CNTNAP2: variants seen among roughly 807,000 people sequenced by gnomAD.
The protein encoded by CNTNAP2 is contactin associated protein 2.
In CNTNAP2, 98 loss-of-function variants were observed where a neutral mutation model predicts 155.2. The observed-to-expected ratio is 0.63, with a 90% CI of 0.54 to 0.75. CNTNAP2 has a LOEUF of 0.75. Among genes scored for constraint, CNTNAP2 ranks in the 30% least tolerant of loss-of-function variants. CNTNAP2 has a pLI of 0.00. For missense variants in CNTNAP2, 1,727 were observed against 1,688.1 expected (o/e 1.02, Z -0.40); for synonymous variants, 651 against 631.2 (o/e 1.03, Z -0.47).
intron 1 of CNTNAP2, among the ~76,000 whole-genome samples, chr7:146,472,615 A>AAT (rs1796816658): frequency 6.6e-6 from 1 of 152,180 alleles, no homozygotes; most frequent in South Asian, 2.1e-4. Flanking sequence ...AATTGATGGA[A>AAT]ATATATATGT....
At chr7:146,744,375 T>G (rs1262367150) in intron 1 of CNTNAP2, among the ~76,000 whole-genome samples, 2 of 152,180 alleles carry the variant, frequency 1.3e-5, no homozygotes, top group Non-Finnish European at 2.9e-5. Context: ...TGGGATGATT[T>G]CAAAGGTTTC....
At chr7:146,294,292 CT>C (rs1800478014) in intron 1 of CNTNAP2, among the ~76,000 whole-genome samples, 1 of 152,140 alleles carries the variant, frequency 6.6e-6, no homozygotes, top group African/African-American at 2.4e-5. Context: ...ATTCAAGTAA[CT>C]TTTACCCAGA....
chr7:148,313,314 G>T (rs936691875), intron 21 of CNTNAP2, among the ~76,000 whole-genome samples: 2 of 151,270 alleles, frequency 1.3e-5, no homozygotes, highest in Non-Finnish European at 2.9e-5. Context: ...GGCAGCGTCC[G>T]TCTTCAGCCA....
At chr7:147,473,148 A>G (rs1052975330) in intron 10 of CNTNAP2, among the ~76,000 whole-genome samples, 1 of 152,170 alleles carries the variant, frequency 6.6e-6, no homozygotes, top group Non-Finnish European at 1.5e-5. Context: ...TGGACAGATG[A>G]GAGTGGATTT....
At chr7:146,328,084 G>A (rs529625058) in intron 1 of CNTNAP2, among the ~76,000 whole-genome samples, 3 of 152,318 alleles carry the variant, frequency 2.0e-5, no homozygotes, top group South Asian at 2.1e-4. Context: ...CTCAGCCGGA[G>A]GTGAGCAGCA....
At chr7:147,524,153 T>C (rs929689384) in intron 11 of CNTNAP2, among the ~76,000 whole-genome samples, 1 of 152,236 alleles carries the variant, frequency 6.6e-6, no homozygotes, top group Non-Finnish European at 1.5e-5. Context: ...CCTAGATGTT[T>C]GCAAATAGTG....
At chr7:146,694,247 T>C (rs1342500649) in intron 1 of CNTNAP2, among the ~76,000 whole-genome samples, 1 of 152,146 alleles carries the variant, frequency 6.6e-6, no homozygotes, top group East Asian at 1.9e-4. Context: ...AGAAAATAAT[T>C]TGGGGTTATG....
At chr7:146,963,840 G>A (rs959483302) in intron 3 of CNTNAP2, among the ~76,000 whole-genome samples, 6 of 152,112 alleles carry the variant, frequency 3.9e-5, no homozygotes, top group Admixed American at 1.3e-4. Context: ...AAGTTTAAAT[G>A]GCTCAACACT....
intron 12 of CNTNAP2, among the ~76,000 whole-genome samples, chr7:147,562,789 A>G (rs1173856797): frequency 6.6e-6 from 1 of 152,198 alleles, no homozygotes; most frequent in Non-Finnish European, 1.5e-5. Context: ...CTCCACTTCC[A>G]TGTGAAATGA....
chr7:146,159,636 G>A (rs761575159), intron 1 of CNTNAP2, among the ~76,000 whole-genome samples: 2 of 152,082 alleles, frequency 1.3e-5, no homozygotes, highest in Non-Finnish European at 2.9e-5. Flanking sequence ...GATTGAAAGA[G>A]ACAAAGAAGG....
At chr7:146,648,604 C>T (rs1205748045) in intron 1 of CNTNAP2, among the ~76,000 whole-genome samples, 1 of 151,892 alleles carries the variant, frequency 6.6e-6, no homozygotes, top group Non-Finnish European at 1.5e-5. Flanking sequence ...CTTCTCTGGG[C>T]CTAGATGAAA....
At chr7:146,388,039 G>A (rs1795485732) in intron 1 of CNTNAP2, among the ~76,000 whole-genome samples, 3 of 149,528 alleles carry the variant, frequency 2.0e-5, no homozygotes, top group Admixed American at 2.0e-4. Context: ...TTCTTTATTT[G>A]AATTTTCTAA....
At position 147,509,661 on chromosome 7, in the gene CNTNAP2, T is replaced by C. The variant is rs142355137; in HGVS notation, c.1777+23620T>C. Among the ~76,000 whole-genome samples the C allele has an allele frequency of 1.5e-3, 234 of 152,194 alleles. 1 individual carries two copies. The highest frequency in any genetic ancestry group is 5.2e-3 in the African/African-American group (215 of 41,556). On this transcript the variant is annotated intron_variant, in intron 11 of 23. Transcript: ENST00000361727. ...GTTACACTTTAAGCTGGCTTACATA[T>C]AGTTGTAAAAAGAAAGACTAGGTTC...
At chr7:146,956,608 C>G (rs1358015743) in intron 3 of CNTNAP2, among the ~76,000 whole-genome samples, 1 of 152,154 alleles carries the variant, frequency 6.6e-6, no homozygotes, top group Non-Finnish European at 1.5e-5. Flanking sequence ...AGAAAACAGA[C>G]AGTATTATGA....
chr7:148,031,184 C>T (rs1425566213), intron 15 of CNTNAP2, among the ~76,000 whole-genome samples: 1 of 152,076 alleles, frequency 6.6e-6, no homozygotes, highest in Non-Finnish European at 1.5e-5. Flanking sequence ...TGGGGCCCTC[C>T]CTTCTTGATA....
intron 1 of CNTNAP2, among the ~76,000 whole-genome samples, chr7:146,608,643 T>A (rs1042888059): frequency 7.2e-5 from 11 of 152,342 alleles, no homozygotes; most frequent in Admixed American, 2.0e-4. Flanking sequence ...TAAAGAATTG[T>A]CTTTTTGTGC....
Position 148,219,190 on chromosome 7 carries a change from T to C in CNTNAP2, c.3247+1666T>C, listed in dbSNP as rs140432851. On this transcript the variant is annotated intron_variant, in intron 19 of 23. Coordinates refer to ENST00000361727, the MANE Select transcript of CNTNAP2 (RefSeq NM_014141.6). ...CTCTTGACCTCGTGATCCACCTGCC[T>C]TGGCCTCCCAAAGTGCTGGGATTAC... 3.6e-3 allele frequency among the ~76,000 whole-genome samples: 548 copies of C among 152,244 alleles called. 5 individuals are homozygous for C. Among genetic ancestry groups the C allele is most frequent in the African/African-American group, 0.013 (522 of 41,544 alleles).
At chr7:147,968,366 C>T (rs1801262150) in intron 14 of CNTNAP2, among the ~76,000 whole-genome samples, 1 of 152,212 alleles carries the variant, frequency 6.6e-6, no homozygotes, top group African/African-American at 2.4e-5. Context: ...GGGACATAGG[C>T]ATGGATTCTA....
intron 1 of CNTNAP2, among the ~76,000 whole-genome samples, chr7:146,636,310 TG>T (rs999351511): frequency 2.0e-5 from 3 of 152,144 alleles, no homozygotes; most frequent in African/African-American, 7.2e-5. Flanking sequence ...TTTTATGGCA[TG>T]TAAGTTATAT....
Sources: allele counts gnomAD v4.1 joint callset (sites outside exome capture counted in the v4.1 genomes callset), GRCh38; gene constraint gnomAD v4.1.1; transcripts MANE v1.5; gene names NCBI Gene and HGNC (gene_info 2026-07-23, HGNC 2026-07-21).